LDB3: variants seen among roughly 807,000 people sequenced by gnomAD.
LDB3 encodes the protein LIM domain binding 3.
In LDB3, 49 loss-of-function variants were observed where a neutral mutation model predicts 69.0. The ratio of observed to expected loss-of-function variants is 0.71; its 90% CI spans 0.56 to 0.90. LDB3 has a LOEUF of 0.90. Ranked by LOEUF, LDB3 falls within the 40% of genes least tolerant of loss-of-function variation. The pLI is 0.00. For missense variants in LDB3, 928 were observed against 974.1 expected (o/e 0.95, Z 0.63); for synonymous variants, 387 against 396.2 (o/e 0.98, Z 0.28).
In LDB3 at chr10:86,681,769, C is replaced by T. The variant is rs727503123; in HGVS notation, c.655C>T (p.Arg219Ter). The change falls in exon 5 of 14, where the codon CGA becomes TGA. Residue 219 changes from arginine to a stop codon, truncating the protein, a stop_gained. Coordinates refer to ENST00000361373, the MANE Select transcript of LDB3 (RefSeq NM_007078.3). LOFTEE classifies it high-confidence loss of function. ...GGCTCAGATGTACCAGATGAGCCTC[C>T]GAGGGAAGGCCTCGGGTGTCGGACT... ...EMAQMYQMSL[R>*]GKASGVGLPG... is the part of the protein sequence containing the mutation. The T allele has an allele frequency of 2.6e-5, 41 of 1,600,118 alleles. No homozygotes were observed. The highest frequency in any genetic ancestry group is 5.1e-5 in the Admixed American group (3 of 58,510).
chr10:86,674,787 A>G (rs529740674), intron 2 of LDB3, among the ~76,000 whole-genome samples: 4 of 152,290 alleles, frequency 2.6e-5, no homozygotes. Flanking sequence ...GGAGTCAGAC[A>G]AGACAGACGT....
At chr10:86,704,638 G>A (rs1264108503) in intron 7 of LDB3, among the ~76,000 whole-genome samples, 4 of 138,842 alleles carry the variant, frequency 2.9e-5, no homozygotes, top group African/African-American at 1.1e-4. Context: ...GGAGTGAATT[G>A]GCGTGATCTC....
chr10:86,731,653 G>T (rs1159593167), intron 13 of LDB3, among the ~76,000 whole-genome samples: 1 of 152,122 alleles, frequency 6.6e-6, no homozygotes, highest in African/African-American at 2.4e-5. Flanking sequence ...TTGTTGTTCT[G>T]CAGAGTTGCT....
At chr10:86,687,140 A>T in intron 5 of LDB3, 1 of 1,614,166 alleles carries the variant, frequency 6.2e-7, no homozygotes, top group Non-Finnish European at 8.5e-7. Flanking sequence ...AAGCCCATCG[A>T]GGTGAAGGGG....
chr10:86,731,372 G>A (rs917609219), intron 13 of LDB3, among the ~76,000 whole-genome samples: 3 of 151,084 alleles, frequency 2.0e-5, no homozygotes, highest in African/African-American at 7.3e-5. Flanking sequence ...TTACCAGTGC[G>A]CACCACCACA....
intron 12 of LDB3, among the ~76,000 whole-genome samples, chr10:86,725,485 A>G (rs1230433004): frequency 1.3e-5 from 2 of 152,226 alleles, no homozygotes; most frequent in Non-Finnish European, 2.9e-5. Flanking sequence ...TTGTGCTGGG[A>G]GTGCAAAGAA....
intron 7 of LDB3, among the ~76,000 whole-genome samples, chr10:86,696,217 C>G (rs776826217): frequency 1.3e-5 from 2 of 152,194 alleles, no homozygotes; most frequent in African/African-American, 4.8e-5. Context: ...TTTTGCCCCC[C>G]CTGCAGCCAC....
chr10:86,729,677 C>T (rs191306981), intron 13 of LDB3, among the ~76,000 whole-genome samples: 92 of 152,296 alleles, frequency 6.0e-4, no homozygotes, highest in African/African-American at 2.1e-3. Flanking sequence ...ACTATGAAGC[C>T]ACCTTGCACC....
At position 86,687,118 on chromosome 10, in the gene LDB3, C is replaced by T; in HGVS notation, c.690-4778C>T. The T allele has an allele frequency of 6.2e-7, 1 of 1,614,220 alleles. No homozygotes were observed. The highest frequency in any genetic ancestry group is 1.6e-4 in the Middle Eastern group (1 of 6,062). Reference sequence around the variant, plus strand: ...CCCCAGTGCCCTGAAGGACTCGGCCCTGTCCACCCACAAGCCCATCGAGGT... The same window carrying T: ...CCCCAGTGCCCTGAAGGACTCGGCCTTGTCCACCCACAAGCCCATCGAGGT... On this transcript the variant is annotated intron_variant, in intron 5 of 13. Transcript: ENST00000361373.
At chr10:86,723,578 T>C (rs1028789873) in intron 12 of LDB3, among the ~76,000 whole-genome samples, 1 of 152,186 alleles carries the variant, frequency 6.6e-6, no homozygotes, top group South Asian at 2.1e-4. Context: ...AAGTCGTAAG[T>C]GGGTGCAGGG....
chr10:86,681,481 AG>A lies in LDB3; in HGVS notation c.368del (p.Ser123ThrfsTer46). On this transcript the variant is annotated frameshift_variant, in exon 5 of 14. Transcript: ENST00000361373. LOFTEE classifies it high-confidence loss of function. ...CGGCAGCCTGGTGGCACCCAGCCCC[AG>A]CCCTGAGGCGAGGGCCAGCCCAGGC... ...TNGSLVAPSP[S>X]PEARASPGTP... 6.2e-7 allele frequency: 1 copy of A among 1,608,394 alleles called. No individual in the cohort carries two copies. The highest frequency in any genetic ancestry group is 8.5e-7 in the Non-Finnish European group (1 of 1,179,752).
At chr10:86,732,835 T>C (rs759279247) in intron 13 of LDB3, 52 bp from the exon 14 acceptor site, 2 of 1,437,264 alleles carry the variant, frequency 1.4e-6, no homozygotes, top group East Asian at 4.6e-5. Context: ...GATTGAAATC[T>C]GCTCATGCCC....
Position 86,692,506 on chromosome 10 carries a change from T to A in LDB3, c.860-29T>A, listed in dbSNP as rs758100158. 6 of 1,613,160 alleles carry A rather than the reference T, an allele frequency of 3.7e-6. No individual in the cohort carries two copies. The South Asian group carries it at 6.6e-5, about 18-fold the overall frequency. Reference sequence around the variant, plus strand: ...CTTTCCTTGCTGTGTCTCCCGTGAGTCCCCTGACCAGCTCCTTTCTACCAA... The same window carrying A: ...CTTTCCTTGCTGTGTCTCCCGTGAGACCCCTGACCAGCTCCTTTCTACCAA... On this transcript the variant is annotated intron_variant, in intron 6 of 13. Coordinates refer to ENST00000361373, the MANE Select transcript of LDB3 (RefSeq NM_007078.3).
intron 2 of LDB3, among the ~76,000 whole-genome samples, chr10:86,673,139 TG>T (rs1844580474): frequency 6.6e-6 from 1 of 152,350 alleles, no homozygotes; most frequent in African/African-American, 2.4e-5. Flanking sequence ...TGGGCCTTGC[TG>T]GGGGCCCTTG....
Position 86,699,443 on chromosome 10 carries a change from G to GC in LDB3, c.896+6873dup. The GC allele has an allele frequency of 6.2e-7, 1 of 1,610,352 alleles. No individual in the cohort carries two copies. The highest frequency in any genetic ancestry group is 8.5e-7 in the Non-Finnish European group (1 of 1,178,992). Reference sequence around the variant, plus strand: ...CCATCCTTACCCCCACACAGATCTGGCATGTGAGCCCCACGGTGATGCTTG... The same window carrying GC: ...CCATCCTTACCCCCACACAGATCTGGCCATGTGAGCCCCACGGTGATGCTTG... On this transcript the variant is annotated intron_variant, in intron 7 of 13. Transcript: ENST00000361373. The surrounding 1 kb of genome is among the most constrained non-coding windows in gnomAD (Gnocchi z 4.9).
Position 86,709,957 on chromosome 10 carries a change from A to G in LDB3, c.1138A>G (p.Thr380Ala). The G allele has an allele frequency of 6.2e-7, 1 of 1,612,802 alleles. No individual in the cohort carries two copies. Among genetic ancestry groups the G allele is most frequent in the Non-Finnish European group, 8.5e-7 (1 of 1,179,964 alleles). ...PAVAASSAPA[T>A]HTSYSEGPAA... ...AGTGGCCGCCTCTTCAGCACCTGCC[A>G]CCCACACCAGCTACAGTGAGGGCCC... is the stretch of plus-strand genomic sequence containing the variant. The change falls in exon 9 of 14, where the codon ACC becomes GCC. Residue 380 changes from threonine (T) to alanine (A), a missense_variant. Coordinates refer to ENST00000361373, the MANE Select transcript of LDB3 (RefSeq NM_007078.3).
chr10:86,672,734 C>T (rs67431774), intron 2 of LDB3, among the ~76,000 whole-genome samples: 31,259 of 152,160 alleles, frequency 0.21, 3,689 homozygotes, highest in East Asian at 0.44. Flanking sequence ...CTGCTCAGAA[C>T]TGCATCTAAC....
intron 5 of LDB3, chr10:86,687,215 A>C: frequency 6.2e-7 from 1 of 1,614,182 alleles, no homozygotes; most frequent in Non-Finnish European, 8.5e-7. Context: ...TATTCCCAGG[A>C]TGCCATCATG....
At position 86,699,822 on chromosome 10, in the gene LDB3, GCGCTGCCCGGCTCCCT is replaced by G. The variant is rs2132443362; in HGVS notation, c.897-6700_897-6685del. 9.7e-7 allele frequency: 1 copy of G among 1,026,124 alleles called. No individual in the cohort carries two copies. The highest frequency in any genetic ancestry group is 4.0e-5 in the South Asian group (1 of 25,008). The allele number at this position is 1,026,124 out of a possible 1,614,324, so 63.6% of individuals were successfully genotyped here. A position where few individuals can be genotyped will look rare whatever the true frequency, so the allele number is the denominator to read the frequency against. ...GGTCTGGGGAAGAGGCTGATCCCTG[GCGCTGCCCGGCTCCCT>G]CGCTGCCCTCTGGAGCTCAGGGCAG... On this transcript the variant is annotated intron_variant, in intron 7 of 13. Transcript: ENST00000361373. This position sits in a 1 kb window ranked among gnomAD's most constrained non-coding sequence, Gnocchi z 4.9.
Sources: allele counts gnomAD v4.1 joint callset (sites outside exome capture counted in the v4.1 genomes callset), GRCh38; gene constraint gnomAD v4.1.1; non-coding constraint Gnocchi (gnomAD v3.1); transcripts MANE v1.5; gene names NCBI Gene and HGNC (gene_info 2026-07-23, HGNC 2026-07-21).